Variants in SORT1 observed in about 807,000 individuals in gnomAD.
SORT1 encodes the protein sortilin.
SORT1 carries 39 observed loss-of-function variants against 101.7 expected under a neutral mutation model. The observed-to-expected ratio is 0.38, with a 90% CI of 0.30 to 0.50. The LOEUF is 0.50. SORT1 is among the 20% of genes least tolerant of loss of function. The pLI, the probability that SORT1 is intolerant of heterozygous loss-of-function variation, is 0.90. For missense variants in SORT1, 878 were observed against 1,040.4 expected, an observed-to-expected ratio of 0.84 and a Z score of 2.15; for synonymous variants, 396 against 393.7, an observed-to-expected ratio of 1.01 and a Z score of -0.07.
intron 5 of SORT1, among the ~76,000 whole-genome samples, chr1:109,351,423 G>A (rs1649950999): frequency 6.6e-6 from 1 of 152,238 alleles, no homozygotes; most frequent in South Asian, 2.1e-4. Context: ...GAAGAAGACA[G>A]GTGCACTGAG....
chr1:109,340,713 C>T lies in SORT1; in HGVS notation c.1264+11G>A, dbSNP rs959408809. 2 of 1,613,882 alleles carry T rather than the reference C, an allele frequency of 1.2e-6. No homozygotes were observed. Among genetic ancestry groups the T allele is most frequent in the Admixed American group, 3.3e-5 (2 of 60,010 alleles). ...GAAGGCACAGTACACCACTGCGATG[C>T]CGAGACTCACCTTCGGAGAGCACGC... On this transcript the variant is annotated intron_variant, in intron 10 of 19. Coordinates refer to ENST00000256637, the MANE Select transcript of SORT1 (RefSeq NM_002959.7).
intron 1 of SORT1, among the ~76,000 whole-genome samples, chr1:109,396,136 T>C (rs756510675): frequency 2.0e-5 from 3 of 151,924 alleles, no homozygotes; most frequent in Non-Finnish European, 4.4e-5. Flanking sequence ...GGTGCACACC[T>C]GTAGTCCCAG....
rs1038493888 is a variant in SORT1 at position 109,317,779 on chromosome 1, T to C, written c.2141+74A>G. 19 of 999,586 alleles carry C rather than the reference T, an allele frequency of 1.9e-5. No individual in the cohort carries two copies. The African/African-American group carries it at 3.0e-4, about 16-fold the overall frequency. 61.9% of individuals were successfully genotyped at this position (999,586 alleles called of 1,614,324 possible). On this transcript the variant is annotated intron_variant, in intron 16 of 19. Coordinates refer to ENST00000256637, the MANE Select transcript of SORT1 (RefSeq NM_002959.7). ...CTCTAAAGTAGGGCTTGGATCTCAG[T>C]GTGGAGAGAAGCAGCTTTCACTCTG...
intron 8 of SORT1, among the ~76,000 whole-genome samples, chr1:109,345,116 T>C (rs1476313422): frequency 1.3e-5 from 2 of 152,258 alleles, no homozygotes; most frequent in East Asian, 3.8e-4. Flanking sequence ...TAGCATATAG[T>C]AGGCACTCAA....
chr1:109,367,534 C>A, intron 2 of SORT1, 53 bp from the exon 3 acceptor site: 1 of 1,152,720 alleles, frequency 8.7e-7, no homozygotes, highest in Non-Finnish European at 1.3e-6. Context: ...CAATCACATG[C>A]TGATATGTGT....
At chr1:109,326,464 T>TATACAC in intron 13 of SORT1, among the ~76,000 whole-genome samples, 1 of 64,106 alleles carries the variant, frequency 1.6e-5, no homozygotes, top group African/African-American at 6.0e-5. Context: ...TATATATATA[T>TATACAC]ACATACACAC....
At chr1:109,390,794 T>TGC (rs1474947548) in intron 1 of SORT1, among the ~76,000 whole-genome samples, 14 of 143,094 alleles carry the variant, frequency 9.8e-5, no homozygotes, top group Non-Finnish European at 1.7e-4. Flanking sequence ...TGTGTGTGTG[T>TGC]GTGTGCGCGC....
intron 1 of SORT1, among the ~76,000 whole-genome samples, chr1:109,390,752 AGTGTGTGTGTGTGTGTGTATGT>A (rs1175153639): frequency 6.9e-6 from 1 of 144,428 alleles, no homozygotes; most frequent in Non-Finnish European, 1.5e-5. Context: ...AATATTAGAA[AGTGTGTGTGTGTGTGTGTATGT>A]GTGTGTGTGT....
At chr1:109,337,721 G>A (rs1289302679) in intron 10 of SORT1, among the ~76,000 whole-genome samples, 3 of 152,090 alleles carry the variant, frequency 2.0e-5, no homozygotes, top group African/African-American at 4.8e-5. Context: ...TCTGCCTCCC[G>A]GGTTCAAGCG....
chr1:109,370,250 T>C (rs977567117), intron 1 of SORT1, among the ~76,000 whole-genome samples: 1 of 152,172 alleles, frequency 6.6e-6, no homozygotes, highest in African/African-American at 2.4e-5. Flanking sequence ...ATAGTTATAA[T>C]AATCATTGTA....
intron 11 of SORT1, among the ~76,000 whole-genome samples, chr1:109,330,492 G>A (rs1648389897): frequency 6.6e-6 from 1 of 152,132 alleles, no homozygotes; most frequent in Admixed American, 6.5e-5. Context: ...GCAGTTCTAA[G>A]AAGAAAGTTT....
chr1:109,323,240 T>G, intron 14 of SORT1, 119 bp from the exon 15 acceptor site: 1 of 672,598 alleles, frequency 1.5e-6, no homozygotes, highest in Non-Finnish European at 2.5e-6. Flanking sequence ...ACTCAACCTA[T>G]TCCTTCATTT....
chr1:109,336,388 G>A (rs760211228), intron 10 of SORT1, 42 bp from the exon 11 acceptor site: 14 of 1,253,632 alleles, frequency 1.1e-5, no homozygotes, highest in Non-Finnish European at 1.6e-5. Context: ...TACACTGGAA[G>A]TACCTAGGTT....
intron 15 of SORT1, among the ~76,000 whole-genome samples, chr1:109,318,401 C>T (rs373635541): frequency 1.7e-4 from 26 of 152,276 alleles, no homozygotes; most frequent in East Asian, 1.5e-3. Flanking sequence ...ACGCCCACCT[C>T]GGCCTCCAAA....
chr1:109,380,813 CAAA>C (rs60568166), intron 1 of SORT1, among the ~76,000 whole-genome samples: 5 of 49,224 alleles, frequency 1.0e-4, no homozygotes, highest in African/African-American at 3.8e-4. Context: ...CCTGTCGCCA[CAAA>C]AAAAAAAAAA....
At chr1:109,318,024 G>T in intron 15 of SORT1, 55 bp from the exon 16 acceptor site, 1 of 1,109,732 alleles carries the variant, frequency 9.0e-7, no homozygotes, top group South Asian at 1.3e-5. Context: ...ACCGTTAAGT[G>T]ACTAGCAATG....
chr1:109,324,128 C>T (rs1434333050), intron 14 of SORT1, among the ~76,000 whole-genome samples: 1 of 81,630 alleles, frequency 1.2e-5, no homozygotes. Flanking sequence ...TTTTCTTTAT[C>T]CCCCTTCTTT....
intron 2 of SORT1, among the ~76,000 whole-genome samples, chr1:109,367,841 A>G (rs969965012): frequency 1.3e-5 from 2 of 152,162 alleles, no homozygotes; most frequent in South Asian, 4.1e-4. Flanking sequence ...TCTCACAGAG[A>G]TCACTGTGTC....
intron 1 of SORT1, among the ~76,000 whole-genome samples, chr1:109,394,371 C>T (rs756978557): frequency 9.2e-5 from 14 of 151,916 alleles, no homozygotes; most frequent in Non-Finnish European, 1.9e-4. Flanking sequence ...GTGTAATAAA[C>T]CCAATGCACT....
Sources: allele counts gnomAD v4.1 joint callset (sites outside exome capture counted in the v4.1 genomes callset), GRCh38; gene constraint gnomAD v4.1.1; transcripts MANE v1.5; gene names NCBI Gene and HGNC (gene_info 2026-07-23, HGNC 2026-07-21).